KYAT3: variants seen among roughly 807,000 people sequenced by gnomAD.
The protein encoded by KYAT3 is kynurenine aminotransferase 3, also known as kynurenine--oxoglutarate transaminase 3.
Under a neutral mutation model 59.0 loss-of-function variants are expected in KYAT3, and 50 were observed. The ratio of observed to expected loss-of-function variants is 0.85; its 90% CI spans 0.68 to 1.07. KYAT3 has a LOEUF of 1.07. KYAT3 is among the 50% of genes least tolerant of loss of function. The probability of loss-of-function intolerance (pLI) is 0.00; values close to 1 mark genes in which losing one functional copy is unlikely to be tolerated. For missense variants in KYAT3, 497 were observed against 533.3 expected (o/e 0.93, Z 0.67); for synonymous variants, 148 against 177.0 (o/e 0.84, Z 1.30).
intron 11 of KYAT3, among the ~76,000 whole-genome samples, chr1:88,948,862 T>C (rs561848133): frequency 6.6e-6 from 1 of 152,356 alleles, no homozygotes; most frequent in Admixed American, 6.5e-5. Flanking sequence ...CTATGTTTAA[T>C]AGACTAACTA....
chr1:88,921,567 C>T, the KYAT3 span, among the ~76,000 whole-genome samples: 1 of 152,254 alleles, frequency 6.6e-6, no homozygotes, highest in African/African-American at 2.4e-5. Context: ...AGAATGATTT[C>T]TTACCTAACT....
At chr1:88,934,684 A>G (rs569027195), downstream of KYAT3, among the ~76,000 whole-genome samples, 11 of 152,342 alleles carry the variant, frequency 7.2e-5, no homozygotes, top group South Asian at 1.9e-3. Context: ...TCAAGGCAGC[A>G]AAAGCAACTT....
chr1:88,982,124 C>G (rs1677120411), intron 2 of KYAT3: 1 of 982,488 alleles, frequency 1.0e-6, no homozygotes. Context: ...TTTGGGTTTA[C>G]TGGGTGAATA....
intron 8 of KYAT3, among the ~76,000 whole-genome samples, chr1:88,957,189 C>A (rs935152659): frequency 6.6e-6 from 1 of 152,130 alleles, no homozygotes; most frequent in Non-Finnish European, 1.5e-5. Flanking sequence ...TAATTTTATT[C>A]TCTGTGGAAT....
chr1:88,962,248 C>A, intron 5 of KYAT3, 103 bp from the exon 6 acceptor site: 2 of 876,066 alleles, frequency 2.3e-6, no homozygotes. Flanking sequence ...TGTTGGGATA[C>A]AGCAGTGAAA....
intron 2 of KYAT3, chr1:88,979,540 A>C (rs1302578203): frequency 6.6e-6 from 1 of 152,216 alleles, no homozygotes; most frequent in Non-Finnish European, 1.5e-5. Flanking sequence ...AGTGGGCAAA[A>C]GATTTGACAG....
At chr1:88,928,145 CCTT>C in the KYAT3 span, among the ~76,000 whole-genome samples, 6 of 152,208 alleles carry the variant, frequency 3.9e-5, no homozygotes, top group African/African-American at 1.4e-4. Flanking sequence ...GGAAGAAAAT[CCTT>C]CTGCCTTTCT....
At chr1:88,932,418 G>C (rs559731479), downstream of KYAT3, among the ~76,000 whole-genome samples, 1 of 152,182 alleles carries the variant, frequency 6.6e-6, no homozygotes, top group African/African-American at 2.4e-5. Flanking sequence ...TGATAGATTA[G>C]ACTATTGATA....
chr1:88,968,362 A>G (rs1676421585), intron 4 of KYAT3, among the ~76,000 whole-genome samples: 1 of 152,204 alleles, frequency 6.6e-6, no homozygotes, highest in Non-Finnish European at 1.5e-5. Flanking sequence ...GGCTGCATAA[A>G]TGTTGATGAG....
chr1:88,992,164 C>G (rs1031667550), intron 1 of KYAT3, among the ~76,000 whole-genome samples: 55 of 152,056 alleles, frequency 3.6e-4, no homozygotes, highest in African/African-American at 1.1e-3. Context: ...ATTTTTAGTA[C>G]AGACGGGGTT....
chr1:88,938,489 G>C (rs1465740414), intron 13 of KYAT3, among the ~76,000 whole-genome samples: 2 of 152,124 alleles, frequency 1.3e-5, no homozygotes, highest in Admixed American at 6.5e-5. Flanking sequence ...CAGGTATTAA[G>C]AGCACAGCAC....
the KYAT3 span, among the ~76,000 whole-genome samples, chr1:88,927,576 A>G: frequency 2.7e-4 from 41 of 151,354 alleles, no homozygotes; most frequent in African/African-American, 9.2e-4. Flanking sequence ...ACTAATAAGG[A>G]CCCCCCTTCA....
chr1:88,925,456 C>T, the KYAT3 span, among the ~76,000 whole-genome samples: 2 of 152,184 alleles, frequency 1.3e-5, no homozygotes, highest in African/African-American at 2.4e-5. Context: ...AGCTGTATCT[C>T]GAAAGGGATC....
At chr1:88,938,421 T>C (rs1675117967) in intron 13 of KYAT3, among the ~76,000 whole-genome samples, 2 of 152,162 alleles carry the variant, frequency 1.3e-5, no homozygotes. Context: ...CATGTGAAGA[T>C]TTGTTACATA....
chr1:88,952,886 A>T (rs911561361), intron 10 of KYAT3, among the ~76,000 whole-genome samples, 177 bp downstream of exon 10: 3 of 152,224 alleles, frequency 2.0e-5, no homozygotes, highest in Non-Finnish European at 2.9e-5. Context: ...TTTAAAAAAA[A>T]ACCCAAACCA....
chr1:88,946,302 T>A (rs1675439355), intron 11 of KYAT3, among the ~76,000 whole-genome samples: 1 of 148,878 alleles, frequency 6.7e-6, no homozygotes, highest in Non-Finnish European at 1.5e-5. Context: ...ATATTTGCTT[T>A]CTTTCCCTCC....
At chr1:88,986,714 G>C (rs1484213155) in intron 2 of KYAT3, among the ~76,000 whole-genome samples, 2 of 152,124 alleles carry the variant, frequency 1.3e-5, no homozygotes, top group Non-Finnish European at 2.9e-5. Flanking sequence ...CTTCCCGGCA[G>C]ATTTTCATGA....
Position 88,943,077 on chromosome 1 carries a change from G to T in KYAT3, c.1230C>A (p.Ile410=). The change falls in exon 13 of 14, where the codon ATC becomes ATA. Residue 410 remains isoleucine (I), a synonymous_variant. Coordinates refer to ENST00000260508, the MANE Select transcript of KYAT3 (RefSeq NM_001008661.3). Reference sequence around the variant, plus strand: ...CTGAGTTACAGAATGCTGAAACGGGGATGGCTGATAGTTTCTGAAAAATAA... The same window carrying T: ...CTGAGTTACAGAATGCTGAAACGGGTATGGCTGATAGTTTCTGAAAAATAA... The part of the protein sequence containing the change: ...WMTKHKKLSA[I]PVSAFCNSET... 6.2e-7 allele frequency: 1 copy of T among 1,610,960 alleles called. No individual in the cohort carries two copies.
chr1:88,977,891 TAAGTA>T (rs1676866985), intron 2 of KYAT3, among the ~76,000 whole-genome samples: 1 of 152,142 alleles, frequency 6.6e-6, no homozygotes, highest in Admixed American at 6.5e-5. Context: ...CCTGTAGTAT[TAAGTA>T]CAGTAACATG....
Sources: allele counts gnomAD v4.1 joint callset (sites outside exome capture counted in the v4.1 genomes callset), GRCh38; gene constraint gnomAD v4.1.1; transcripts MANE v1.5; gene names NCBI Gene and HGNC (gene_info 2026-07-23, HGNC 2026-07-21).